HELZ: variants seen among roughly 807,000 people sequenced by gnomAD.
The protein encoded by HELZ is ATP-dependent RNA helicase with zinc finger domain.
Under a neutral mutation model 218.2 loss-of-function variants are expected in HELZ, and 23 were observed. That is an observed-to-expected ratio of 0.11 (90% CI 0.08 to 0.15). The LOEUF is 0.15. Ranked by LOEUF, HELZ falls within the 10% of genes least tolerant of loss-of-function variation. The pLI is 1.00. For missense variants in HELZ, 1,813 were observed against 2,353.7 expected (o/e 0.77, Z 4.75); for synonymous variants, 814 against 829.4 (o/e 0.98, Z 0.32).
intron 21 of HELZ, among the ~76,000 whole-genome samples, chr17:67,144,719 T>C (rs2038440998): frequency 6.6e-6 from 1 of 152,086 alleles, no homozygotes; most frequent in Non-Finnish European, 1.5e-5. Context: ...GGACAGGCCC[T>C]GGTTGCCACT....
intron 15 of HELZ, among the ~76,000 whole-genome samples, chr17:67,162,926 TCCTGCACAGC>T (rs1184805476): frequency 1.3e-5 from 2 of 152,108 alleles, no homozygotes; most frequent in Non-Finnish European, 1.5e-5. Context: ...CCTGCAGAGC[TCCTGCACAGC>T]CCTGGACCAC....
At chr17:67,240,748 A>G (rs1443419192) in intron 2 of HELZ, among the ~76,000 whole-genome samples, 1 of 152,240 alleles carries the variant, frequency 6.6e-6, no homozygotes, top group Non-Finnish European at 1.5e-5. Context: ...GACAAGATAT[A>G]TGTATACACT....
At chr17:67,173,040 T>TTG (rs771577948) in intron 13 of HELZ, 2 of 982,846 alleles carry the variant, frequency 2.0e-6, no homozygotes, top group Non-Finnish European at 2.4e-6. Context: ...GTGACATTGG[T>TTG]TGTGTCTTGC....
chr17:67,110,920 A>T (rs1448549471), intron 28 of HELZ, among the ~76,000 whole-genome samples: 1 of 152,224 alleles, frequency 6.6e-6, no homozygotes, highest in African/African-American at 2.4e-5. Flanking sequence ...AGAGGATGCA[A>T]CTGTAGTGCC....
At position 67,194,011 on chromosome 17, in the gene HELZ, T is replaced by C; in HGVS notation, c.513A>G (p.Pro171=). Residue 171 remains proline, a synonymous_variant, in exon 9 of 33, where the codon CCA becomes CCG. Coordinates refer to ENST00000358691, the MANE Select transcript of HELZ (RefSeq NM_014877.4). Reference sequence around the variant, plus strand: ...CCTCGCTGCTTGTGATTCCCCTAGGTGGTGGGCGGAAATGCCAACCATTAC... The same window carrying C: ...CCTCGCTGCTTGTGATTCCCCTAGGCGGTGGGCGGAAATGCCAACCATTAC... ...GSCNGWHFRP[P]PRGITSSEEY... 6.2e-7 allele frequency: 1 copy of C among 1,613,712 alleles called. No homozygotes were observed. The highest frequency in any genetic ancestry group is 8.5e-7 in the Non-Finnish European group (1 of 1,179,872).
At chr17:67,111,883 A>C (rs1401016858) in intron 28 of HELZ, among the ~76,000 whole-genome samples, 2 of 152,202 alleles carry the variant, frequency 1.3e-5, no homozygotes, top group African/African-American at 4.8e-5. Flanking sequence ...TTTTTCCAGA[A>C]GATATTGTTG....
intron 13 of HELZ, among the ~76,000 whole-genome samples, chr17:67,175,730 C>A (rs1366990090): frequency 1.3e-5 from 2 of 152,174 alleles, no homozygotes; most frequent in Admixed American, 1.3e-4. Context: ...GAGAGTATCA[C>A]CAGAAATTCC....
intron 9 of HELZ, among the ~76,000 whole-genome samples, chr17:67,191,868 T>A (rs1240858256): frequency 3.9e-5 from 6 of 151,918 alleles, no homozygotes; most frequent in Admixed American, 2.6e-4. Context: ...ATAAAAACAT[T>A]GATAAAAGAT....
chr17:67,152,396 T>TC (rs2038712356), intron 17 of HELZ, among the ~76,000 whole-genome samples: 1 of 152,142 alleles, frequency 6.6e-6, no homozygotes, highest in Non-Finnish European at 1.5e-5. Context: ...CAAGAGCAGA[T>TC]GGTAGCTTGG....
chr17:67,198,566 C>G (rs971606280), intron 7 of HELZ, among the ~76,000 whole-genome samples: 1 of 152,216 alleles, frequency 6.6e-6, no homozygotes, highest in Non-Finnish European at 1.5e-5. Context: ...CCAAAGATTA[C>G]ACTGCTAGAA....
In HELZ at chr17:67,109,242, G is replaced by C. The variant is rs1209951635; in HGVS notation, c.4363C>G (p.Pro1455Ala). 6.2e-7 allele frequency: 1 copy of C among 1,614,106 alleles called. No homozygotes were observed. Among genetic ancestry groups the C allele is most frequent in the South Asian group, 1.1e-5 (1 of 91,082 alleles). The stretch of plus-strand genomic sequence containing the variant: ...CTGTGGCCTTCTTGCAGCATGGGAG[G>C]GGGCTGCTGCTCCGGAATTACAGCT... Reference protein sequence around the residue: ...AEAVIPEQQPPPMLQEGHSPL... With the variant: ...AEAVIPEQQPAPMLQEGHSPL... Residue 1455 changes from proline to alanine, a missense_variant, in exon 29 of 33, where the codon CCT (proline) becomes GCT (alanine). Physicochemically the swap from Pro to Ala is conservative, Grantham distance 27. This residue lies in a region of HELZ where 938 missense variants were observed against 1,027.5 expected (regional missense o/e 0.91). Transcript: ENST00000358691.
At chr17:67,190,484 T>C in intron 9 of HELZ, 129 bp from the exon 10 acceptor site, 1 of 659,218 alleles carries the variant, frequency 1.5e-6, no homozygotes. Flanking sequence ...ATATTTATCG[T>C]ACTGTCTTGT....
chr17:67,218,539 A>C, intron 4 of HELZ, 56 bp downstream of exon 4: 1 of 1,341,270 alleles, frequency 7.5e-7, no homozygotes, highest in South Asian at 1.2e-5. Context: ...TCACCCCTCA[A>C]TGAAAAAGGC....
At chr17:67,112,949 A>G (rs2037323733) in intron 28 of HELZ, among the ~76,000 whole-genome samples, 1 of 152,220 alleles carries the variant, frequency 6.6e-6, no homozygotes, top group Non-Finnish European at 1.5e-5. Flanking sequence ...AGTGCCTAAT[A>G]CCAAGAAAAG....
chr17:67,115,298 A>C (rs2037395789), intron 27 of HELZ, among the ~76,000 whole-genome samples: 2 of 152,076 alleles, frequency 1.3e-5, no homozygotes, highest in Non-Finnish European at 2.9e-5. Context: ...AAAAATTAGC[A>C]CCCATAAACT....
intron 31 of HELZ, among the ~76,000 whole-genome samples, chr17:67,099,809 CAAGT>C (rs2036867199): frequency 6.6e-6 from 1 of 152,052 alleles, no homozygotes; most frequent in Non-Finnish European, 1.5e-5. Flanking sequence ...AGCTAATCAC[CAAGT>C]AAGAGCTAAA....
In HELZ at chr17:67,207,252, G is replaced by A. The variant is rs1297043628; in HGVS notation, c.248-3809C>T. On this transcript the variant is annotated intron_variant, in intron 5 of 32. Transcript: ENST00000358691. ...TTTTTTTTTTTTGAGATGGAGTCTCGCTTTGTTGCCCAGGCTGGAGTGCAG... is the reference window on the plus strand; with the variant it reads ...TTTTTTTTTTTTGAGATGGAGTCTCACTTTGTTGCCCAGGCTGGAGTGCAG... Among the ~76,000 whole-genome samples the A allele has an allele frequency of 2.1e-3, 216 of 102,934 alleles. 2 individuals carry two copies. The highest frequency in any genetic ancestry group is 8.2e-3 in the African/African-American group (206 of 25,152). 67.5% of individuals were successfully genotyped at this position (102,934 alleles called of 152,430 possible).
At chr17:67,139,392 C>T (rs2038252098) in intron 21 of HELZ, among the ~76,000 whole-genome samples, 1 of 152,156 alleles carries the variant, frequency 6.6e-6, no homozygotes, top group Non-Finnish European at 1.5e-5. Flanking sequence ...GTTATCTTTA[C>T]CCATGTGGTT....
rs763571071 is a variant in HELZ, at chr17:67,128,828, C to T, written c.3210G>A (p.Leu1070=). 3.7e-6 allele frequency: 6 copies of T among 1,614,032 alleles called. No individual in the cohort carries two copies. In the South Asian group the frequency reaches 4.4e-5, roughly 12 times the overall value. Residue 1070 remains leucine (L), a synonymous_variant, in exon 24 of 33, where the codon CTG becomes CTA. Coordinates refer to ENST00000358691, the MANE Select transcript of HELZ (RefSeq NM_014877.4). ...CATGTAGGCTACTGTTTTCATGACA[C>T]AGGGCAATAAACCGTTCCCAAAATT... ...CRKFWERFIA[L]CHENSSLHGI... is the part of the protein sequence containing the mutation.
Sources: allele counts gnomAD v4.1 joint callset (sites outside exome capture counted in the v4.1 genomes callset), GRCh38; gene constraint gnomAD v4.1.1; regional missense constraint gnomAD v4.1.1; transcripts MANE v1.5; gene names NCBI Gene and HGNC (gene_info 2026-07-23, HGNC 2026-07-21).